The following DTNA variants were observed in gnomAD, a reference collection of about 807,000 sequenced individuals.
DTNA encodes dystrobrevin alpha.
A neutral mutation model predicts 100.7 loss-of-function variants in DTNA; 43 were observed. The ratio of observed to expected loss-of-function variants is 0.43; its 90% CI spans 0.33 to 0.55. The LOEUF is 0.55. Among genes scored for constraint, DTNA ranks in the 20% least tolerant of loss-of-function variants. The pLI is 0.04. For synonymous variants in DTNA, 349 were observed against 347.9 expected, an observed-to-expected ratio of 1.00 and a Z score of -0.04; for missense variants, 798 against 953.9, an observed-to-expected ratio of 0.84 and a Z score of 2.15.
At chr18:34,626,304 A>T (rs976300980) in intron 1 of DTNA, among the ~76,000 whole-genome samples, 14 of 152,216 alleles carry the variant, frequency 9.2e-5, no homozygotes, top group African/African-American at 3.4e-4. Flanking sequence ...ATAAAGGAGT[A>T]GATGAAAAAC....
chr18:34,694,766 A>C (rs530203298), intron 1 of DTNA, among the ~76,000 whole-genome samples: 3 of 152,254 alleles, frequency 2.0e-5, no homozygotes, highest in Admixed American at 2.0e-4. Context: ...TCCCTTCTGA[A>C]GTTGAATTTC....
chr18:34,777,283 T>C (rs977509438), intron 3 of DTNA, among the ~76,000 whole-genome samples: 2 of 152,326 alleles, frequency 1.3e-5, no homozygotes, highest in African/African-American at 4.8e-5. Flanking sequence ...ACTGAATTAG[T>C]AAATCAACAT....
intron 1 of DTNA, among the ~76,000 whole-genome samples, chr18:34,703,221 A>G (rs2081630618): frequency 6.6e-6 from 1 of 152,208 alleles, no homozygotes; most frequent in Admixed American, 6.5e-5. Context: ...GCGTTCCTAC[A>G]TGTACTACAA....
At chr18:34,562,247 TA>T (rs1323349554) in intron 1 of DTNA, among the ~76,000 whole-genome samples, 1 of 152,162 alleles carries the variant, frequency 6.6e-6, no homozygotes, top group Non-Finnish European at 1.5e-5. Flanking sequence ...CATCTTTAAA[TA>T]AATTTTAAAA....
At chr18:34,580,104 A>G (rs186635924) in intron 1 of DTNA, among the ~76,000 whole-genome samples, 3 of 151,190 alleles carry the variant, frequency 2.0e-5, no homozygotes, top group South Asian at 2.1e-4. Context: ...CTGCTGTTCA[A>G]CTCCCTGAAT....
chr18:34,876,076 A>G (rs1382835910), intron 18 of DTNA, among the ~76,000 whole-genome samples: 2 of 152,336 alleles, frequency 1.3e-5, no homozygotes, highest in East Asian at 3.9e-4. Context: ...CTTCACCGGC[A>G]GCTTTCATTC....
intron 1 of DTNA, among the ~76,000 whole-genome samples, chr18:34,711,825 A>G (rs892806214): frequency 6.6e-6 from 1 of 152,216 alleles, no homozygotes; most frequent in Non-Finnish European, 1.5e-5. Flanking sequence ...CATGATTTCA[A>G]ATAAAGAGAA....
chr18:34,880,709 A>C (rs2096863712), intron 20 of DTNA, among the ~76,000 whole-genome samples: 1 of 152,210 alleles, frequency 6.6e-6, no homozygotes. Flanking sequence ...ATCATGGAGA[A>C]TTATCAAGAG....
At chr18:34,615,599 C>T (rs2055105159) in intron 1 of DTNA, among the ~76,000 whole-genome samples, 2 of 151,842 alleles carry the variant, frequency 1.3e-5, no homozygotes, top group Admixed American at 6.6e-5. Flanking sequence ...AGTAGATGTA[C>T]AAGTTGGTTT....
At chr18:34,866,183 G>T in intron 17 of DTNA, 2 of 1,614,106 alleles carry the variant, frequency 1.2e-6, no homozygotes, top group Non-Finnish European at 1.7e-6. Flanking sequence ...GGGGCCTGCC[G>T]ACCTGCGGTT....
intron 3 of DTNA, among the ~76,000 whole-genome samples, chr18:34,782,728 A>G (rs1250220161): frequency 6.6e-6 from 1 of 152,194 alleles, no homozygotes; most frequent in Non-Finnish European, 1.5e-5. Context: ...AAGAAGCTGG[A>G]GAATAGTGGG....
intron 1 of DTNA, among the ~76,000 whole-genome samples, chr18:34,509,040 T>C (rs2040775344): frequency 6.6e-6 from 1 of 152,150 alleles, no homozygotes. Context: ...ATTTGTGCAT[T>C]CAATTTGATA....
chr18:34,781,791 T>A (rs990678527), intron 3 of DTNA, among the ~76,000 whole-genome samples: 1 of 152,248 alleles, frequency 6.6e-6, no homozygotes, highest in African/African-American at 2.4e-5. Context: ...TAGTACAGAA[T>A]GAATGAAGTA....
At chr18:34,499,012 T>C (rs1228465567) in intron 1 of DTNA, among the ~76,000 whole-genome samples, 3 of 152,200 alleles carry the variant, frequency 2.0e-5, no homozygotes, top group Non-Finnish European at 4.4e-5. Flanking sequence ...TGGTAAATTC[T>C]TGCAAAATGA....
chr18:34,509,312 C>T (rs148716227), intron 1 of DTNA, among the ~76,000 whole-genome samples: 1 of 152,212 alleles, frequency 6.6e-6, no homozygotes, highest in African/African-American at 2.4e-5. Context: ...ATAATCATTA[C>T]TTGGTTGACA....
chr18:34,743,970 A>T (rs2091161364), intron 1 of DTNA, among the ~76,000 whole-genome samples: 1 of 152,082 alleles, frequency 6.6e-6, no homozygotes, highest in African/African-American at 2.4e-5. Flanking sequence ...CCTCTGGAGA[A>T]TATCATCCAG....
intron 1 of DTNA, among the ~76,000 whole-genome samples, chr18:34,704,671 C>T (rs1011723408): frequency 2.0e-5 from 3 of 152,158 alleles, no homozygotes; most frequent in Admixed American, 2.0e-4. Flanking sequence ...TTTGACTACA[C>T]CTAGTTCATT....
chr18:34,831,039 T>C (rs1377336161), intron 11 of DTNA, among the ~76,000 whole-genome samples: 3 of 152,204 alleles, frequency 2.0e-5, no homozygotes, highest in African/African-American at 7.2e-5. Flanking sequence ...TGCCCACAGC[T>C]CTGTGCCTCT....
chr18:34,726,860 G>C (rs978446267), intron 1 of DTNA, among the ~76,000 whole-genome samples: 123 of 152,348 alleles, frequency 8.1e-4, no homozygotes, highest in African/African-American at 2.7e-3. Flanking sequence ...CCCTGGTGAG[G>C]ACGCTGTGTG....
Sources: allele counts gnomAD v4.1 joint callset (sites outside exome capture counted in the v4.1 genomes callset), GRCh38; gene constraint gnomAD v4.1.1; transcripts MANE v1.5; gene names NCBI Gene and HGNC (gene_info 2026-07-23, HGNC 2026-07-21).